EIF2AK4: variants seen among roughly 807,000 people sequenced by gnomAD.
EIF2AK4 encodes the protein eIF-2-alpha kinase GCN2.
EIF2AK4 carries 139 observed loss-of-function variants against 211.1 expected under a neutral mutation model. That is an observed-to-expected ratio of 0.66 (90% CI 0.57 to 0.76). The LOEUF is 0.76. Ranked by LOEUF, EIF2AK4 falls within the 30% of genes least tolerant of loss-of-function variation. The probability of loss-of-function intolerance (pLI) is 0.00; values close to 1 mark genes in which losing one functional copy is unlikely to be tolerated. For missense variants in EIF2AK4, 1,664 were observed against 2,043.8 expected (o/e 0.81, Z 3.58); for synonymous variants, 710 against 751.3 (o/e 0.94, Z 0.90).
chr15:40,012,825 A>T (rs2035252216), intron 27 of EIF2AK4, among the ~76,000 whole-genome samples: 1 of 152,248 alleles, frequency 6.6e-6, no homozygotes, highest in African/African-American at 2.4e-5. Context: ...AAAAACAGAA[A>T]AATAGTATCT....
At position 39,969,239 on chromosome 15, in the gene EIF2AK4, C is replaced by T. The variant is rs1000798629; in HGVS notation, c.1553+1360C>T. The stretch of plus-strand genomic sequence containing the variant: ...GGGAGGTTTAAGTAGAAGTACCTTT[C>T]CTTTCCCGTTTAGTAGCAAAATGAA... On this transcript the variant is annotated intron_variant, in intron 9 of 38. Coordinates refer to ENST00000263791, the MANE Select transcript of EIF2AK4 (RefSeq NM_001013703.4). 2.6e-5 allele frequency among the ~76,000 whole-genome samples: 4 copies of T among 152,028 alleles called. No homozygotes were observed. In the South Asian group the frequency reaches 6.2e-4, roughly 24 times the overall value.
At chr15:40,023,244 T>G (rs1265367213) in intron 32 of EIF2AK4, among the ~76,000 whole-genome samples, 1 of 152,276 alleles carries the variant, frequency 6.6e-6, no homozygotes, top group Non-Finnish European at 1.5e-5. Context: ...ATTTTACTTT[T>G]TTGTATTCAA....
At chr15:40,029,130 T>G (rs1288482986) in intron 33 of EIF2AK4, among the ~76,000 whole-genome samples, 1 of 152,236 alleles carries the variant, frequency 6.6e-6, no homozygotes, top group Non-Finnish European at 1.5e-5. Context: ...ATCAGCTTAT[T>G]GTGTGGATCC....
chr15:39,999,593 C>T (rs762535521), intron 20 of EIF2AK4, among the ~76,000 whole-genome samples: 27 of 152,096 alleles, frequency 1.8e-4, no homozygotes, highest in Non-Finnish European at 3.4e-4. Context: ...ACTTTAATTT[C>T]CCTCACCTAT....
intron 4 of EIF2AK4, among the ~76,000 whole-genome samples, chr15:39,950,088 A>T (rs911574591): frequency 2.0e-5 from 3 of 152,046 alleles, no homozygotes; most frequent in Non-Finnish European, 4.4e-5. Flanking sequence ...ACTTTGATTC[A>T]GGTTATAAAA....
chr15:39,964,258 T>G (rs1434544692), intron 7 of EIF2AK4, among the ~76,000 whole-genome samples: 1 of 152,212 alleles, frequency 6.6e-6, no homozygotes, highest in Non-Finnish European at 1.5e-5. Context: ...ACTTCACCTT[T>G]GATTATTCAA....
chr15:39,954,324 C>G (rs1441183064), intron 5 of EIF2AK4, among the ~76,000 whole-genome samples: 1 of 152,198 alleles, frequency 6.6e-6, no homozygotes, highest in East Asian at 1.9e-4. Context: ...ATGATCTCAG[C>G]CCACTGTAAC....
rs985980499 is a variant in EIF2AK4, at chr15:39,953,755, C to T, written c.514-149C>T. ...AACTCTGATAAAACTGATAGAACTG[C>T]AGTTTGTACTAAGATGCTGTGTTTT... On this transcript the variant is annotated intron_variant, in intron 4 of 38. Coordinates refer to ENST00000263791, the MANE Select transcript of EIF2AK4 (RefSeq NM_001013703.4). The T allele has an allele frequency of 8.5e-6, 6 of 703,298 alleles. No homozygotes were observed. The East Asian group carries it at 1.5e-4, about 18-fold the overall frequency. The allele number at this position is 703,298 out of a possible 1,614,324, so 43.6% of individuals were successfully genotyped here.
At chr15:39,941,470 G>A (rs1470318169) in intron 2 of EIF2AK4, among the ~76,000 whole-genome samples, 1 of 151,880 alleles carries the variant, frequency 6.6e-6, no homozygotes, top group South Asian at 2.1e-4. Flanking sequence ...CAGGAACAGG[G>A]GTCAAATATC....
intron 2 of EIF2AK4, among the ~76,000 whole-genome samples, chr15:39,940,040 G>A (rs1336990001): frequency 6.6e-6 from 1 of 152,184 alleles, no homozygotes. Flanking sequence ...TAGAGTGAGG[G>A]AGAGTATTTG....
chr15:39,935,434 A>G (rs2034050753), intron 1 of EIF2AK4, among the ~76,000 whole-genome samples: 1 of 151,852 alleles, frequency 6.6e-6, no homozygotes, highest in Non-Finnish European at 1.5e-5. Context: ...TTCTCAAGCA[A>G]TCCTTCTGCC....
chr15:39,986,791 G>T (rs576009596), intron 14 of EIF2AK4, among the ~76,000 whole-genome samples: 2 of 152,298 alleles, frequency 1.3e-5, no homozygotes, highest in East Asian at 3.9e-4. Flanking sequence ...GGAAGCGGAG[G>T]TTGCAGTGAG....
chr15:39,985,889 G>A lies in EIF2AK4; in HGVS notation c.2403+1G>A. On this transcript the variant is annotated splice_donor_variant, in intron 14 of 38. Transcript: ENST00000263791. LOFTEE classifies it high-confidence loss of function. ...GGCTGTGCACTACCTATACATCCAG[G>A]TGAGGTCGTGGTGTGTAGTTAGGTG... The A allele has an allele frequency of 1.9e-6, 3 of 1,613,690 alleles. No homozygotes were observed. Among genetic ancestry groups the A allele is most frequent in the Non-Finnish European group, 2.5e-6 (3 of 1,179,800 alleles).
chr15:39,941,072 C>T (rs193010567), intron 2 of EIF2AK4, among the ~76,000 whole-genome samples: 2 of 152,168 alleles, frequency 1.3e-5, no homozygotes, highest in African/African-American at 4.8e-5. Context: ...GCTCCCATAC[C>T]CTCTCCAGGC....
intron 9 of EIF2AK4, among the ~76,000 whole-genome samples, chr15:39,969,612 G>A (rs1311329345): frequency 1.3e-5 from 2 of 152,066 alleles, no homozygotes; most frequent in African/African-American, 2.4e-5. Flanking sequence ...CGCCCACCTC[G>A]GCCTCCCAAA....
In EIF2AK4 at chr15:39,997,507, GGAA is replaced by G. The variant is rs560082816; in HGVS notation, c.2868+447_2868+449del. Among the ~76,000 whole-genome samples the G allele has an allele frequency of 2.1e-3, 313 of 152,270 alleles. 2 individuals are homozygous for G. Among genetic ancestry groups the G allele is most frequent in the African/African-American group, 7.4e-3 (306 of 41,550 alleles). On this transcript the variant is annotated intron_variant, in intron 19 of 38. Coordinates refer to ENST00000263791, the MANE Select transcript of EIF2AK4 (RefSeq NM_001013703.4). ...GATTTACTCTTGATTTTAAAGCAAAGGAAGAAGCCACAAAATTGGGCTTGATAT... is the reference window on the plus strand; with the variant it reads ...GATTTACTCTTGATTTTAAAGCAAAGGAAGCCACAAAATTGGGCTTGATAT...
chr15:40,029,222 A>C (rs975930645), intron 33 of EIF2AK4, 184 bp from the exon 34 acceptor site: 2 of 733,058 alleles, frequency 2.7e-6, no homozygotes, highest in Admixed American at 6.3e-5. Flanking sequence ...TATAATTTTT[A>C]CTTGCTCTTG....
chr15:40,016,347 T>C (rs1171241859), intron 27 of EIF2AK4, among the ~76,000 whole-genome samples, 155 bp from the exon 28 acceptor site: 1 of 152,174 alleles, frequency 6.6e-6, no homozygotes, highest in Non-Finnish European at 1.5e-5. Flanking sequence ...GGATAATCCT[T>C]AGTCAGGATT....
At chr15:39,993,308 C>G (rs1043453979) in intron 18 of EIF2AK4, among the ~76,000 whole-genome samples, 11 of 152,224 alleles carry the variant, frequency 7.2e-5, no homozygotes, top group Admixed American at 1.3e-4. Context: ...GGCTCCAGCC[C>G]TCAGGGAGCT....
Sources: allele counts gnomAD v4.1 joint callset (sites outside exome capture counted in the v4.1 genomes callset), GRCh38; gene constraint gnomAD v4.1.1; transcripts MANE v1.5; gene names NCBI Gene and HGNC (gene_info 2026-07-23, HGNC 2026-07-21).